CACNA1H: variants seen among roughly 807,000 people sequenced by gnomAD.
The protein encoded by CACNA1H is calcium voltage-gated channel subunit alpha1 H.
CACNA1H carries 149 observed loss-of-function variants against 192.5 expected under a neutral mutation model. That is an observed-to-expected ratio of 0.77 (90% CI 0.68 to 0.89). The LOEUF is 0.89. CACNA1H is among the 40% of genes least tolerant of loss of function. The probability of loss-of-function intolerance (pLI) is 0.00; values close to 1 mark genes in which losing one functional copy is unlikely to be tolerated. For synonymous variants in CACNA1H, 2,202 were observed against 1,475.2 expected (o/e 1.49, Z -11.29); for missense variants, 4,257 against 3,423.5 (o/e 1.24, Z -6.08).
chr16:1,200,841 G>T, intron 8 of CACNA1H, 33 bp downstream of exon 8: 1 of 1,518,520 alleles, frequency 6.6e-7, no homozygotes, highest in Non-Finnish European at 8.9e-7. Flanking sequence ...GCCATGATGG[G>T]CCCTGGTGTT....
At chr16:1,177,290 G>A (rs926186214) in intron 2 of CACNA1H, among the ~76,000 whole-genome samples, 18 of 152,210 alleles carry the variant, frequency 1.2e-4, no homozygotes, top group African/African-American at 4.3e-4. Context: ...GTCCCCTGCT[G>A]CCCGGGCCTC....
chr16:1,203,805 A>T (rs1004438212), intron 9 of CACNA1H, among the ~76,000 whole-genome samples: 2 of 152,096 alleles, frequency 1.3e-5, no homozygotes, highest in Admixed American at 1.3e-4. Context: ...CTACTCCGGG[A>T]TAGCTTCATT....
intron 2 of CACNA1H, among the ~76,000 whole-genome samples, chr16:1,184,128 G>C (rs766140143): frequency 7.2e-5 from 11 of 152,200 alleles, no homozygotes; most frequent in Non-Finnish European, 1.0e-4. Context: ...GACTGCTCTA[G>C]ACCCCAGGGC....
At chr16:1,170,488 C>T (rs367544966) in intron 2 of CACNA1H, among the ~76,000 whole-genome samples, 4 of 152,174 alleles carry the variant, frequency 2.6e-5, no homozygotes, top group African/African-American at 4.8e-5. Context: ...GGAGATGGAC[C>T]GTGAACAGTG....
Position 1,209,013 on chromosome 16 carries a change from G to C in CACNA1H, c.3364-19G>C, listed in dbSNP as rs1305321788. 1 of 1,477,676 alleles carries C rather than the reference G, an allele frequency of 6.8e-7. No homozygotes were observed. The highest frequency in any genetic ancestry group is 8.9e-7 in the Non-Finnish European group (1 of 1,122,670). The allele number at this position is 1,477,676 out of a possible 1,614,324, so 91.5% of individuals were successfully genotyped here. A position where few individuals can be genotyped will look rare whatever the true frequency, so the allele number is the denominator to read the frequency against. On this transcript the variant is annotated intron_variant, in intron 16 of 34. Transcript: ENST00000348261. The stretch of plus-strand genomic sequence containing the variant: ...CTAATAGTGATGCCACCAGGTCACT[G>C]ACTCCCGCCACCCCCCAGGCCAGCC...
At chr16:1,194,890 G>A (rs563074191) in intron 2 of CACNA1H, 82 bp from the exon 3 acceptor site, 29 of 1,047,160 alleles carry the variant, frequency 2.8e-5, no homozygotes, top group South Asian at 2.4e-4. Flanking sequence ...GCGGGGCTCC[G>A]GCTGACCGGG....
intron 20 of CACNA1H, 38 bp downstream of exon 20, chr16:1,210,689 C>T (rs367613633): frequency 2.1e-5 from 34 of 1,588,994 alleles, no homozygotes; most frequent in Non-Finnish European, 2.8e-5. Flanking sequence ...GTTCCCAGGT[C>T]CCCGTTCTGC....
chr16:1,207,164 C>T (rs1440301662), intron 13 of CACNA1H, 46 bp downstream of exon 13: 5 of 1,549,642 alleles, frequency 3.2e-6, no homozygotes, highest in South Asian at 1.2e-5. Flanking sequence ...TGAGTGTGGT[C>T]CCCAGAGAGG....
chr16:1,211,926 C>A lies in CACNA1H; in HGVS notation c.4567-20C>A. ...CCTGGCGGGGCAGGCGGGCGGGGAC[C>A]CACCGCCTCTGTGCCACAGCCTGTG... is the stretch of plus-strand genomic sequence containing the variant. On this transcript the variant is annotated intron_variant, in intron 24 of 34. Transcript: ENST00000348261. 6.2e-7 allele frequency: 1 copy of A among 1,612,232 alleles called. No individual in the cohort carries two copies. Among genetic ancestry groups the A allele is most frequent in the Non-Finnish European group, 8.5e-7 (1 of 1,179,460 alleles).
chr16:1,205,484 G>A (rs908045647), intron 11 of CACNA1H, among the ~76,000 whole-genome samples: 3 of 152,154 alleles, frequency 2.0e-5, no homozygotes, highest in South Asian at 2.1e-4. Flanking sequence ...CAGGCACTAC[G>A]GGGTGCGCAC....
rs750349354 is a variant in CACNA1H, at chr16:1,212,102, G to A, written c.4723G>A (p.Glu1575Lys). Reference sequence around the variant, plus strand: ...GGCGGAGGAGGCGCGGCGGCGAGAGGAGAAGCGGCTGCGGCGCCTAGAGAG... The same window carrying A: ...GGCGGAGGAGGCGCGGCGGCGAGAGAAGAAGCGGCTGCGGCGCCTAGAGAG... ...QEAEEARRRE[E>K]KRLRRLERRR... The change falls in exon 25 of 35, where the codon GAG (glutamate) becomes AAG (lysine). Residue 1575 changes from glutamate to lysine, a missense_variant. Transcript: ENST00000348261. 1.1e-5 allele frequency: 18 copies of A among 1,610,900 alleles called. No homozygotes were observed. The highest frequency in any genetic ancestry group is 1.8e-4 in the Middle Eastern group (1 of 5,672).
rs745805314 is a variant in CACNA1H, at chr16:1,201,655, C to T, written c.1213-8C>T. 2.8e-5 allele frequency: 45 copies of T among 1,579,230 alleles called. No homozygotes were observed. Among genetic ancestry groups the T allele is most frequent in the African/African-American group, 5.4e-5 (4 of 74,244 alleles). ...TCACTGCCACTTACCCGCCCGCCCC[C>T]GTCACAGGTGGGCTCCTTCTTCATG... On this transcript the variant is annotated splice_region_variant and splice_polypyrimidine_tract_variant and intron_variant, in intron 8 of 34. Coordinates refer to ENST00000348261, the MANE Select transcript of CACNA1H (RefSeq NM_021098.3).
intron 2 of CACNA1H, among the ~76,000 whole-genome samples, chr16:1,187,837 A>G (rs565439046): frequency 6.3e-4 from 96 of 152,172 alleles, no homozygotes; most frequent in Middle Eastern, 6.8e-3. Context: ...TGCCTTAACT[A>G]TCTCTTGAGG....
At chr16:1,177,140 C>G (rs941464881) in intron 2 of CACNA1H, among the ~76,000 whole-genome samples, 2 of 152,214 alleles carry the variant, frequency 1.3e-5, no homozygotes, top group African/African-American at 4.8e-5. Context: ...CCCTTTTTGT[C>G]ATTCCACTGA....
rs1354274692 is a variant in CACNA1H at position 1,199,508 on chromosome 16, C to G, written c.803+734C>G. ...ACCGTGCGGTCATTGCACATATGTC[C>G]CACCCCCAGTGCTGCCACCTCTCAG... On this transcript the variant is annotated intron_variant, in intron 6 of 34. Transcript: ENST00000348261. Among the ~76,000 whole-genome samples, 4 of 148,502 alleles carry G rather than the reference C, an allele frequency of 2.7e-5. 1 individual carries two copies. The highest frequency in any genetic ancestry group is 6.0e-5 in the Non-Finnish European group (4 of 67,122).
In CACNA1H at chr16:1,214,138, G is replaced by A. The variant is rs75035749; in HGVS notation, c.4929+207G>A. Among the ~76,000 whole-genome samples the A allele has an allele frequency of 1.6e-3, 243 of 152,162 alleles. 4 individuals are homozygous for A. The East Asian group carries it at 0.031, about 19-fold the overall frequency. ...CTTGGGGCCCCTCCCCAACCTGGCC[G>A]TGAGTGTCCCACCCAAGGAGGGGCT... On this transcript the variant is annotated intron_variant, in intron 27 of 34. Coordinates refer to ENST00000348261, the MANE Select transcript of CACNA1H (RefSeq NM_021098.3).
In CACNA1H at chr16:1,207,381, T is replaced by C; in HGVS notation, c.3014T>C (p.Val1005Ala). The stretch of plus-strand genomic sequence containing the variant: ...GCCCTCATGACCTTCGGCAACTATG[T>C]GCTCTTCAACCTGCTGGTGGCCATC... Reference protein sequence around the residue: ...FVALMTFGNYVLFNLLVAILV... With the variant: ...FVALMTFGNYALFNLLVAILV... Residue 1005 changes from valine to alanine, a missense_variant, in exon 14 of 35, where the codon GTG becomes GCG. Val to Ala is a moderately conservative substitution (Grantham distance 64). Transcript: ENST00000348261. 1 of 1,613,276 alleles carries C rather than the reference T, an allele frequency of 6.2e-7. No homozygotes were observed.
At chr16:1,178,755 C>A (rs1011336842) in intron 2 of CACNA1H, among the ~76,000 whole-genome samples, 1 of 151,978 alleles carries the variant, frequency 6.6e-6, no homozygotes, top group Non-Finnish European at 1.5e-5. Context: ...GCAGGTTGGG[C>A]CCAGATGCCC....
At position 1,206,985 on chromosome 16, in the gene CACNA1H, CT is replaced by C. The variant is rs1567527913; in HGVS notation, c.2790-15del. On this transcript the variant is annotated splice_polypyrimidine_tract_variant and intron_variant, in intron 12 of 34. Transcript: ENST00000348261. ...CCCTGCCTCCACCCTCAACACGCCC[CT>C]GCCCCCACCCTCAGCATCCTGGGCA... is the stretch of plus-strand genomic sequence containing the variant. 1 of 1,547,676 alleles carries C rather than the reference CT, an allele frequency of 6.5e-7. No individual in the cohort carries two copies. The highest frequency in any genetic ancestry group is 8.8e-7 in the Non-Finnish European group (1 of 1,138,808).
Sources: gnomAD v4.1 joint callset for allele counts (sites outside exome capture counted in the v4.1 genomes callset) on GRCh38, gnomAD v4.1.1 for gene constraint, MANE v1.5 for transcripts, NCBI Gene and HGNC (gene_info 2026-07-23, HGNC 2026-07-21) for gene names.